Variants in TYW1 observed in about 807,000 individuals in gnomAD.
TYW1 encodes tRNA-yW synthesizing protein 1 homolog, also known as S-adenosyl-L-methionine-dependent tRNA 4-demethylwyosine synthase TYW1.
Under a neutral mutation model 96.2 loss-of-function variants are expected in TYW1, and 46 were observed. The observed-to-expected ratio is 0.48, with a 90% CI of 0.38 to 0.61. TYW1 has a LOEUF of 0.61. TYW1 is among the 20% of genes least tolerant of loss of function. The probability of loss-of-function intolerance (pLI) is 0.00; values close to 1 mark genes in which losing one functional copy is unlikely to be tolerated. For synonymous variants in TYW1, 274 were observed against 323.0 expected, an observed-to-expected ratio of 0.85 and a Z score of 1.63; for missense variants, 684 against 909.6, an observed-to-expected ratio of 0.75 and a Z score of 3.19.
intron 15 of TYW1, among the ~76,000 whole-genome samples, chr7:67,225,190 CAAAAAA>C (rs10600752): frequency 5.6e-4 from 44 of 78,052 alleles, no homozygotes; most frequent in East Asian, 8.9e-4. Flanking sequence ...GACTCCGTCT[CAAAAAA>C]AAAAAAAAAA....
At chr7:67,157,790 T>C (rs1272056590) in intron 13 of TYW1, among the ~76,000 whole-genome samples, 2 of 152,164 alleles carry the variant, frequency 1.3e-5, no homozygotes, top group Non-Finnish European at 2.9e-5. Context: ...GCAGGACTGG[T>C]CAGGTATTTT....
chr7:67,085,146 T>G (rs1236134564), intron 11 of TYW1, among the ~76,000 whole-genome samples: 1 of 152,232 alleles, frequency 6.6e-6, no homozygotes, highest in Non-Finnish European at 1.5e-5. Flanking sequence ...AGATGATTCT[T>G]TCACGTAAGG....
chr7:67,073,626 T>G (rs113553964), intron 10 of TYW1, among the ~76,000 whole-genome samples: 2,618 of 149,830 alleles, frequency 0.017, 74 homozygotes, highest in African/African-American at 0.061. Context: ...TACAAAAAAT[T>G]AGCTGGGCGT....
At chr7:67,227,417 C>A (rs529950351) in intron 15 of TYW1, among the ~76,000 whole-genome samples, 2 of 152,132 alleles carry the variant, frequency 1.3e-5, no homozygotes, top group Admixed American at 1.3e-4. Flanking sequence ...CCACCACACC[C>A]GGCTAATTTT....
intron 11 of TYW1, among the ~76,000 whole-genome samples, chr7:67,090,014 T>G (rs1796663167): frequency 6.6e-6 from 1 of 152,230 alleles, no homozygotes; most frequent in South Asian, 2.1e-4. Flanking sequence ...AGGAACGTCC[T>G]CGGTACTAAA....
chr7:67,154,104 A>G (rs1294337556), intron 13 of TYW1, among the ~76,000 whole-genome samples: 1 of 151,636 alleles, frequency 6.6e-6, no homozygotes, highest in Non-Finnish European at 1.5e-5. Context: ...TGTATTTTTT[A>G]GTAGAGATGG....
chr7:67,032,039 A>G (rs927923400), intron 7 of TYW1, among the ~76,000 whole-genome samples: 4 of 151,940 alleles, frequency 2.6e-5, no homozygotes, highest in East Asian at 1.9e-4. Context: ...GTAAATGTCA[A>G]TATCATAAAC....
chr7:67,237,192 C>T (rs1019577598), intron 15 of TYW1, among the ~76,000 whole-genome samples: 4 of 146,480 alleles, frequency 2.7e-5, no homozygotes, highest in Non-Finnish European at 4.5e-5. Context: ...GGCCATTAGT[C>T]GAAGTTTTTT....
intron 14 of TYW1, among the ~76,000 whole-genome samples, chr7:67,185,001 G>A (rs1799976784): frequency 6.6e-6 from 1 of 151,868 alleles, no homozygotes; most frequent in South Asian, 2.1e-4. Context: ...GAACTACCGC[G>A]CCAGGCCTGA....
At chr7:67,009,887 T>C (rs1793732887) in intron 4 of TYW1, 1 of 547,486 alleles carries the variant, frequency 1.8e-6, no homozygotes, top group Non-Finnish European at 3.1e-6. Flanking sequence ...GTGGGGCTTG[T>C]TCTTCAGGCA....
At chr7:67,003,280 A>G (rs1327192239) in intron 3 of TYW1, among the ~76,000 whole-genome samples, 1 of 152,180 alleles carries the variant, frequency 6.6e-6, no homozygotes, top group Non-Finnish European at 1.5e-5. Flanking sequence ...TGCTTGGTCC[A>G]AAACACCTTT....
intron 9 of TYW1, among the ~76,000 whole-genome samples, chr7:67,064,787 G>A (rs1795809607): frequency 6.6e-6 from 1 of 152,146 alleles, no homozygotes; most frequent in Admixed American, 6.5e-5. Flanking sequence ...ACCATTTCAA[G>A]TTCCATGGTG....
chr7:67,079,201 T>TGTGTGTG (rs1563001300), intron 10 of TYW1, among the ~76,000 whole-genome samples: 2 of 149,674 alleles, frequency 1.3e-5, no homozygotes, highest in Non-Finnish European at 1.5e-5. Context: ...TGTGTGTGTG[T>TGTGTGTG]TTTAGGTTTG....
At position 67,073,020 on chromosome 7, in the gene TYW1, G is replaced by A. The variant is rs575036582; in HGVS notation, c.1274+5617G>A. On this transcript the variant is annotated intron_variant, in intron 10 of 15. Transcript: ENST00000359626. ...GCTGGTCTCAAACTCTTGGCCTCAA[G>A]CAGTCCTCTCCTCTTAGCCTCCCAA... 6.6e-5 allele frequency among the ~76,000 whole-genome samples: 9 copies of A among 136,814 alleles called. No individual in the cohort carries two copies. The South Asian group carries it at 1.7e-3, about 26-fold the overall frequency. The allele number at this position is 136,814 out of a possible 152,430, so 89.8% of individuals were successfully genotyped here.
chr7:66,999,564 G>A (rs1384725437), intron 3 of TYW1, among the ~76,000 whole-genome samples: 5 of 152,180 alleles, frequency 3.3e-5, no homozygotes, highest in Non-Finnish European at 5.9e-5. Context: ...ATGTTGGCTA[G>A]GCTGCTCTCA....
At chr7:67,210,016 G>A (rs910354424) in intron 15 of TYW1, among the ~76,000 whole-genome samples, 2 of 152,022 alleles carry the variant, frequency 1.3e-5, no homozygotes, top group South Asian at 2.1e-4. Flanking sequence ...GTTACAATTC[G>A]TGAGCCAATA....
At chr7:67,121,352 A>G (rs1414967502) in intron 13 of TYW1, among the ~76,000 whole-genome samples, 2 of 152,166 alleles carry the variant, frequency 1.3e-5, no homozygotes, top group African/African-American at 4.8e-5. Context: ...CCCGGTTAAT[A>G]TGGTGAAACC....
intron 7 of TYW1, among the ~76,000 whole-genome samples, chr7:67,042,889 C>T (rs565778263): frequency 2.0e-5 from 3 of 151,948 alleles, no homozygotes; most frequent in African/African-American, 4.8e-5. Flanking sequence ...CCCAGCTACT[C>T]GGGAGACTGA....
At chr7:67,188,089 G>A (rs1334589564) in intron 14 of TYW1, among the ~76,000 whole-genome samples, 1 of 152,244 alleles carries the variant, frequency 6.6e-6, no homozygotes, top group African/African-American at 2.4e-5. Flanking sequence ...GGGAGGCCGA[G>A]TCAGGCAGAT....
Sources: allele counts gnomAD v4.1 joint callset (sites outside exome capture counted in the v4.1 genomes callset), GRCh38; gene constraint gnomAD v4.1.1; transcripts MANE v1.5; gene names NCBI Gene and HGNC (gene_info 2026-07-23, HGNC 2026-07-21).